Variants in TRIM3 observed in about 807,000 individuals in gnomAD.
TRIM3 encodes tripartite motif containing 3, also known as tripartite motif-containing protein 3.
Under a neutral mutation model 66.6 loss-of-function variants are expected in TRIM3, and 13 were observed. That is an observed-to-expected ratio of 0.20 (90% confidence interval 0.13 to 0.31). TRIM3 has a LOEUF of 0.31. Among genes scored for constraint, TRIM3 ranks in the 10% least tolerant of loss-of-function variants. TRIM3 has a pLI of 1.00. For missense variants in TRIM3, 711 were observed against 1,020.4 expected (o/e 0.70, Z 4.13); for synonymous variants, 406 against 411.7 (o/e 0.99, Z 0.17).
At chr11:6,464,986 CAAAAAAAAAAAAA>C (rs544959608) in intron 2 of TRIM3, among the ~76,000 whole-genome samples, 48 of 54,182 alleles carry the variant, frequency 8.9e-4, no homozygotes, top group African/African-American at 3.1e-3. Context: ...GACTCCATCT[CAAAAAAAAAAAAA>C]AAAAAAAAAA....
intron 2 of TRIM3, among the ~76,000 whole-genome samples, chr11:6,462,609 A>G (rs1589834380): frequency 6.6e-6 from 1 of 151,812 alleles, no homozygotes; most frequent in Non-Finnish European, 1.5e-5. Flanking sequence ...GCATCTCACT[A>G]TGTTGTTTCC....
At chr11:6,460,533 T>C (rs911329011) in intron 2 of TRIM3, among the ~76,000 whole-genome samples, 4 of 152,006 alleles carry the variant, frequency 2.6e-5, no homozygotes, top group African/African-American at 9.7e-5. Flanking sequence ...CGTCAGTCTC[T>C]GAATGGAGGG....
At chr11:6,461,218 T>A (rs75363996) in intron 2 of TRIM3, among the ~76,000 whole-genome samples, 2 of 152,142 alleles carry the variant, frequency 1.3e-5, no homozygotes, top group African/African-American at 4.8e-5. Context: ...ACTTATTTAA[T>A]TGTGACTTAC....
chr11:6,460,108 G>A (rs1288274693), intron 2 of TRIM3, among the ~76,000 whole-genome samples: 3 of 152,240 alleles, frequency 2.0e-5, no homozygotes, highest in African/African-American at 7.2e-5. Flanking sequence ...GAGGCAGGAA[G>A]AGCAGCTGTG....
At chr11:6,472,812 T>G (rs1850742434) in intron 1 of TRIM3, among the ~76,000 whole-genome samples, 1 of 152,188 alleles carries the variant, frequency 6.6e-6, no homozygotes. Flanking sequence ...AAGTGCTCTG[T>G]CACTGGAGGC....
rs1265856276 is a variant in TRIM3 at position 6,456,454 on chromosome 11, C to T, written c.1272G>A (p.Leu424=). Residue 424 remains leucine (L), a synonymous_variant, in exon 6 of 12, where the codon CTG becomes CTA. Coordinates refer to ENST00000345851, the MANE Select transcript of TRIM3 (RefSeq NM_033278.4). This position sits in a 1 kb window ranked among gnomAD's most constrained non-coding sequence, Gnocchi z 6.4. ...FRVRALRPGD[L]PPSPDDVKRR... is the part of the protein sequence containing the mutation. ...GCTTCACATCGTCCGGGGAAGGTGGCAGGTCCCCCGGACGCAGGGCACGCA... is the reference window on the plus strand; with the variant it reads ...GCTTCACATCGTCCGGGGAAGGTGGTAGGTCCCCCGGACGCAGGGCACGCA... 2 of 1,537,204 alleles carry T rather than the reference C, an allele frequency of 1.3e-6. No homozygotes were observed. The highest frequency in any genetic ancestry group is 1.4e-5 in the African/African-American group (1 of 72,698).
At chr11:6,467,673 G>A (rs964057001) in intron 1 of TRIM3, among the ~76,000 whole-genome samples, 1 of 152,178 alleles carries the variant, frequency 6.6e-6, no homozygotes, top group African/African-American at 2.4e-5. Context: ...GCTGAGGTGG[G>A]AGGATTGCTT....
chr11:6,449,489 C>T lies in TRIM3; in HGVS notation c.1942-43G>A, dbSNP rs1405917100. 1 of 1,590,026 alleles carries T rather than the reference C, an allele frequency of 6.3e-7. No homozygotes were observed. Among genetic ancestry groups the T allele is most frequent in the South Asian group, 1.1e-5 (1 of 87,512 alleles). On this transcript the variant is annotated intron_variant, in intron 10 of 11. Coordinates refer to ENST00000345851, the MANE Select transcript of TRIM3 (RefSeq NM_033278.4). The surrounding 1 kb of genome is among the most constrained non-coding windows in gnomAD (Gnocchi z 5.3). ...TAGGGACTGGGGACCTGGCCTCAGG[C>T]AGAGGGTAGGGCTTTGGAGGAGGAT... is the stretch of plus-strand genomic sequence containing the variant.
intron 2 of TRIM3, among the ~76,000 whole-genome samples, chr11:6,460,681 G>C (rs763949137): frequency 1.3e-5 from 2 of 152,140 alleles, no homozygotes; most frequent in Non-Finnish European, 1.5e-5. Context: ...ACAGACATCA[G>C]AACTGAAGGC....
chr11:6,465,559 C>T lies in TRIM3; in HGVS notation c.131+6G>A, dbSNP rs1850426747. The T allele has an allele frequency of 6.2e-7, 1 of 1,614,008 alleles. No homozygotes were observed. Among genetic ancestry groups the T allele is most frequent in the African/African-American group, 1.3e-5 (1 of 74,908 alleles). On this transcript the variant is annotated splice_donor_region_variant and intron_variant, in intron 2 of 11. Coordinates refer to ENST00000345851, the MANE Select transcript of TRIM3 (RefSeq NM_033278.4). The stretch of plus-strand genomic sequence containing the variant: ...TCATCCCTCCCCAGTACACACATCC[C>T]CTCACCTCTCACAGAAGGTGTGCAG...
In TRIM3 at chr11:6,448,870, A is replaced by T; in HGVS notation, c.*158T>A. 1.2e-6 allele frequency: 1 copy of T among 849,990 alleles called. No individual in the cohort carries two copies. The highest frequency in any genetic ancestry group is 1.9e-6 in the Non-Finnish European group (1 of 531,894). 52.7% of individuals were successfully genotyped at this position (849,990 alleles called of 1,614,324 possible). On this transcript the variant is annotated 3_prime_UTR_variant, in exon 12 of 12. Transcript: ENST00000345851. ...GCAAGAACCGAATAAATAAAGTGCA[A>T]CCGTGGGGGTGGGGGTAGGAGAGGG...
In TRIM3 at chr11:6,456,872, G is replaced by T; in HGVS notation, c.854C>A (p.Ala285Asp). ...RERLAALAAQ[A>D]FPERPHENAQ... ...ATTCTCATGTGGCCGCTCCGGGAAG[G>T]CCTGTGCCGCCAATGCAGCCAGCCG... The change falls in exon 6 of 12, where the codon GCC becomes GAC. Residue 285 changes from alanine (A) to aspartate (D), a missense_variant. Transcript: ENST00000345851. This position sits in a 1 kb window ranked among gnomAD's most constrained non-coding sequence, Gnocchi z 6.4. The T allele has an allele frequency of 6.2e-7, 1 of 1,612,460 alleles. No individual in the cohort carries two copies.
At position 6,457,142 on chromosome 11, in the gene TRIM3, G is replaced by A; in HGVS notation, c.697-113C>T. 1 of 1,517,146 alleles carries A rather than the reference G, an allele frequency of 6.6e-7. No homozygotes were observed. The allele number at this position is 1,517,146 out of a possible 1,614,324, so 94.0% of individuals were successfully genotyped here. On this transcript the variant is annotated intron_variant, in intron 5 of 11. Transcript: ENST00000345851. The surrounding 1 kb of genome is among the most constrained non-coding windows in gnomAD (Gnocchi z 4.5). ...ATACAAGAGGGTGCCTGTGGACAGA[G>A]GACACAGATGCCCACAGCACCTACC... is the stretch of plus-strand genomic sequence containing the variant.
rs758063228 is a variant in TRIM3, at chr11:6,449,296, C to T, written c.2082+10G>A. The T allele has an allele frequency of 6.2e-7, 1 of 1,613,402 alleles. No homozygotes were observed. Among genetic ancestry groups the T allele is most frequent in the South Asian group, 1.1e-5 (1 of 91,036 alleles). ...ACCGCCCCCTCATGTCATTCCCAGG[C>T]CTTACTCACCTGGATGCGGCTGTTG... is the stretch of plus-strand genomic sequence containing the variant. On this transcript the variant is annotated intron_variant, in intron 11 of 11. Coordinates refer to ENST00000345851, the MANE Select transcript of TRIM3 (RefSeq NM_033278.4). The surrounding 1 kb of genome is among the most constrained non-coding windows in gnomAD (Gnocchi z 5.3).
chr11:6,462,281 C>G (rs1363114009), intron 2 of TRIM3, among the ~76,000 whole-genome samples: 1 of 152,208 alleles, frequency 6.6e-6, no homozygotes, highest in Non-Finnish European at 1.5e-5. Flanking sequence ...CTAGAACATC[C>G]TCTGAGAGCA....
chr11:6,458,028 C>T lies in TRIM3; in HGVS notation c.363+37G>A, dbSNP rs778339380. The T allele has an allele frequency of 5.7e-6, 9 of 1,570,506 alleles. No individual in the cohort carries two copies. Among genetic ancestry groups the T allele is most frequent in the South Asian group, 3.5e-5 (3 of 84,770 alleles). ...CAATGCCTCTCCTCCTCCTCCCACC[C>T]CAAGTCCCGGCCTCACTGGGCCTCG... On this transcript the variant is annotated intron_variant, in intron 3 of 11. Coordinates refer to ENST00000345851, the MANE Select transcript of TRIM3 (RefSeq NM_033278.4). The surrounding 1 kb of genome is among the most constrained non-coding windows in gnomAD (Gnocchi z 6.2).
chr11:6,461,526 C>T (rs1850240119), intron 2 of TRIM3, among the ~76,000 whole-genome samples: 1 of 150,068 alleles, frequency 6.7e-6, no homozygotes, highest in Admixed American at 6.7e-5. Context: ...CATCCATCCC[C>T]CATTGTGATT....
chr11:6,450,696 A>G lies in TRIM3; in HGVS notation c.1871-75T>C. On this transcript the variant is annotated intron_variant, in intron 9 of 11. Transcript: ENST00000345851. The surrounding 1 kb of genome is among the most constrained non-coding windows in gnomAD (Gnocchi z 4.8). The stretch of plus-strand genomic sequence containing the variant: ...GATGGGGAAGAGTATCTGGGAAGAT[A>G]AAAGCTAGGGTGTTAGGAGAGGGGT... 1.3e-6 allele frequency: 2 copies of G among 1,506,910 alleles called. No individual in the cohort carries two copies. Among genetic ancestry groups the G allele is most frequent in the East Asian group, 2.3e-5 (1 of 44,334 alleles). 93.3% of individuals were successfully genotyped at this position (1,506,910 alleles called of 1,614,324 possible). A position where few individuals can be genotyped will look rare whatever the true frequency, so the allele number is the denominator to read the frequency against.
At position 6,449,698 on chromosome 11, in the gene TRIM3, A is replaced by C; in HGVS notation, c.1942-252T>G. The C allele has an allele frequency of 5.9e-5, 25 of 422,164 alleles. No homozygotes were observed. The highest frequency in any genetic ancestry group is 7.6e-5 in the East Asian group (2 of 26,246). The allele number at this position is 422,164 out of a possible 1,614,324, so 26.2% of individuals were successfully genotyped here. A position where few individuals can be genotyped will look rare whatever the true frequency, so the allele number is the denominator to read the frequency against. On this transcript the variant is annotated intron_variant, in intron 10 of 11. Coordinates refer to ENST00000345851, the MANE Select transcript of TRIM3 (RefSeq NM_033278.4). This position sits in a 1 kb window ranked among gnomAD's most constrained non-coding sequence, Gnocchi z 5.3. Reference sequence around the variant, plus strand: ...ATCAGTTCTCTTAGTTCTCTATCTCAATGACTGGTGCCACCCAGCTGGCCA... The same window carrying C: ...ATCAGTTCTCTTAGTTCTCTATCTCCATGACTGGTGCCACCCAGCTGGCCA...
Sources: gnomAD v4.1 joint callset for allele counts (sites outside exome capture counted in the v4.1 genomes callset) on GRCh38, gnomAD v4.1.1 for gene constraint, Gnocchi (gnomAD v3.1) non-coding constraint, MANE v1.5 for transcripts, NCBI Gene and HGNC (gene_info 2026-07-23, HGNC 2026-07-21) for gene names.